Variants in FOXB2 observed in about 807,000 individuals in gnomAD.
FOXB2 encodes forkhead box protein B2.
A neutral mutation model predicts 0.9 loss-of-function variants in FOXB2; 1 was observed. The observed-to-expected ratio is 1.09, with a 90% CI of 0.39 to 5.18. The LOEUF is 5.18. Ranked by LOEUF, FOXB2 falls within the 30% of genes most tolerant of loss-of-function variation. The pLI is 0.16. For missense variants in FOXB2, 670 were observed against 626.6 expected, an observed-to-expected ratio of 1.07 and a Z score of -0.74; for synonymous variants, 322 against 293.5, an observed-to-expected ratio of 1.10 and a Z score of -0.99.
chr9:77,020,789 C>T lies in FOXB2; in HGVS notation c.1135C>T (p.Gln379Ter). ...TPALPPVSAL[Q>*]PGLTVPAASQ... ...TGCGCTGCCGCCCGTGTCCGCGCTG[C>T]AGCCGGGGCTCACTGTCCCCGCGGC... is the stretch of plus-strand genomic sequence containing the variant. The change falls in exon 1 of 1, where the codon CAG becomes TAG. Residue 379 changes from glutamine to a stop codon, truncating the protein, a stop_gained. Coordinates refer to ENST00000376708, the MANE Select transcript of FOXB2 (RefSeq NM_001013735.1). LOFTEE classifies it low-confidence loss of function (END_TRUNC). This position sits in a 1 kb window ranked among gnomAD's most constrained non-coding sequence, Gnocchi z 4.9. 1 of 1,570,360 alleles carries T rather than the reference C, an allele frequency of 6.4e-7. No homozygotes were observed. The highest frequency in any genetic ancestry group is 2.3e-5 in the East Asian group (1 of 42,664).
chr9:77,019,913 T>TGG lies in FOXB2; in HGVS notation c.261_262dup (p.Ala88GlyfsTer251). 1 of 1,613,726 alleles carries TGG rather than the reference T, an allele frequency of 6.2e-7. No individual in the cohort carries two copies. Among genetic ancestry groups the TGG allele is most frequent in the Non-Finnish European group, 8.5e-7 (1 of 1,180,010 alleles). On this transcript the variant is annotated frameshift_variant, in exon 1 of 1. Transcript: ENST00000376708. LOFTEE classifies it low-confidence loss of function (END_TRUNC). This position sits in a 1 kb window ranked among gnomAD's most constrained non-coding sequence, Gnocchi z 4.4. ...CGACCAGCCTGGCAAGGGTAGCTTC[T>TGG]GGGCGCTGCACCCCGACTGCGGGGA...
Position 77,020,838 on chromosome 9 carries a change from C to T in FOXB2, c.1184C>T (p.Ser395Phe), listed in dbSNP as rs1308575447. 6.5e-7 allele frequency: 1 copy of T among 1,549,264 alleles called. No individual in the cohort carries two copies. Among genetic ancestry groups the T allele is most frequent in the South Asian group, 1.2e-5 (1 of 85,212 alleles). ...PAASQQPPAPSTVCSAAAASP... is the reference protein window; with the variant it reads ...PAASQQPPAPFTVCSAAAASP... ...GCTTCGCAGCAGCCTCCGGCGCCATCCACCGTGTGCTCCGCGGCCGCGGCC... is the reference window on the plus strand; with the variant it reads ...GCTTCGCAGCAGCCTCCGGCGCCATTCACCGTGTGCTCCGCGGCCGCGGCC... Residue 395 changes from serine (S) to phenylalanine (F), a missense_variant, in exon 1 of 1, where the codon TCC becomes TTC. Coordinates refer to ENST00000376708, the MANE Select transcript of FOXB2 (RefSeq NM_001013735.1). The surrounding 1 kb of genome is among the most constrained non-coding windows in gnomAD (Gnocchi z 4.9).
Position 77,020,129 on chromosome 9 carries a change from C to A in FOXB2, c.475C>A (p.His159Asn). The change falls in exon 1 of 1, where the codon CAC becomes AAC. Residue 159 changes from histidine (H) to asparagine (N), a missense_variant. Physicochemically the swap from His to Asn is moderately conservative, Grantham distance 68 (BLOSUM62 1). Coordinates refer to ENST00000376708, the MANE Select transcript of FOXB2 (RefSeq NM_001013735.1). The surrounding 1 kb of genome is among the most constrained non-coding windows in gnomAD (Gnocchi z 4.9). Reference protein sequence around the residue: ...HHHAAAHHHHHHHPPQPPPPP... With the variant: ...HHHAAAHHHHNHHPPQPPPPP... ...CCACGCTGCCGCACACCACCACCATCACCACCACCCACCCCAGCCGCCGCC... is the reference window on the plus strand; with the variant it reads ...CCACGCTGCCGCACACCACCACCATAACCACCACCCACCCCAGCCGCCGCC... 2 of 1,432,344 alleles carry A rather than the reference C, an allele frequency of 1.4e-6. No homozygotes were observed. The highest frequency in any genetic ancestry group is 1.9e-6 in the Non-Finnish European group (2 of 1,047,904). The allele number at this position is 1,432,344 out of a possible 1,614,324, so 88.7% of individuals were successfully genotyped here. A position where few individuals can be genotyped will look rare whatever the true frequency, so the allele number is the denominator to read the frequency against.
In FOXB2 at chr9:77,020,345, G is replaced by A; in HGVS notation, c.691G>A (p.Ala231Thr). The A allele has an allele frequency of 8.2e-7, 1 of 1,220,028 alleles. No homozygotes were observed. Among genetic ancestry groups the A allele is most frequent in the Non-Finnish European group, 1.0e-6 (1 of 984,514 alleles). 75.6% of individuals were successfully genotyped at this position (1,220,028 alleles called of 1,614,324 possible). ...CGTGGCGGCGGCGGCGGCGGCGGCCGCGGCAGCCGCGGTGGGCAGCGTGGG... is the reference window on the plus strand; with the variant it reads ...CGTGGCGGCGGCGGCGGCGGCGGCCACGGCAGCCGCGGTGGGCAGCGTGGG... ...AAVAAAAAAA[A>T]AAAVGSVGRL... Residue 231 changes from alanine (A) to threonine (T), a missense_variant, in exon 1 of 1, where the codon GCG becomes ACG. Coordinates refer to ENST00000376708, the MANE Select transcript of FOXB2 (RefSeq NM_001013735.1). The surrounding 1 kb of genome is among the most constrained non-coding windows in gnomAD (Gnocchi z 4.9).
Position 77,020,648 on chromosome 9 carries a change from G to A in FOXB2, c.994G>A (p.Ala332Thr). 1 of 1,600,520 alleles carries A rather than the reference G, an allele frequency of 6.2e-7. No individual in the cohort carries two copies. Among genetic ancestry groups the A allele is most frequent in the Non-Finnish European group, 8.5e-7 (1 of 1,175,056 alleles). Residue 332 changes from alanine to threonine, a missense_variant, in exon 1 of 1, where the codon GCA (alanine) becomes ACA (threonine). By Grantham distance (58) the Ala-to-Thr change is moderately conservative. Coordinates refer to ENST00000376708, the MANE Select transcript of FOXB2 (RefSeq NM_001013735.1). The surrounding 1 kb of genome is among the most constrained non-coding windows in gnomAD (Gnocchi z 4.9). ...GGCCGCCGCCGCGGCCGCCGCAGCC[G>A]CAGCCGGAGTCCCTGTAGGCCCGGA... Reference protein sequence around the residue: ...SVAAAAAAAAAAGVPVGPEYG... With the variant: ...SVAAAAAAAATAGVPVGPEYG...
chr9:77,020,443 G>T lies in FOXB2; in HGVS notation c.789G>T (p.Thr263=). The T allele has an allele frequency of 6.4e-7, 1 of 1,551,252 alleles. No homozygotes were observed. The highest frequency in any genetic ancestry group is 8.7e-7 in the Non-Finnish European group (1 of 1,147,294). Residue 263 remains threonine (T), a synonymous_variant, in exon 1 of 1, where the codon ACG becomes ACT. Coordinates refer to ENST00000376708, the MANE Select transcript of FOXB2 (RefSeq NM_001013735.1). This position sits in a 1 kb window ranked among gnomAD's most constrained non-coding sequence, Gnocchi z 4.9. Reference sequence around the variant, plus strand: ...CTGCCGCCGCGGCCGCGGCGTCCACGTCAGGCTTCAAGCACCCCTTTGCCA... The same window carrying T: ...CTGCCGCCGCGGCCGCGGCGTCCACTTCAGGCTTCAAGCACCCCTTTGCCA... ...AAAAAAAAAS[T]SGFKHPFAIE...
At position 77,019,818 on chromosome 9, in the gene FOXB2, A is replaced by C. The variant is rs2063908292; in HGVS notation, c.164A>C (p.Gln55Pro). Residue 55 changes from glutamine (Q) to proline (P), a missense_variant, in exon 1 of 1, where the codon CAG becomes CCG. By Grantham distance (76) the Gln-to-Pro change is moderately conservative. Transcript: ENST00000376708. This position sits in a 1 kb window ranked among gnomAD's most constrained non-coding sequence, Gnocchi z 4.4. ...TTCCCCTACTACCGCGAGCACACAC[A>C]GCGCTGGCAGAACAGCCTGCGCCAC... ...ERFPYYREHT[Q>P]RWQNSLRHNL... is the part of the protein sequence containing the mutation. The C allele has an allele frequency of 6.2e-7, 1 of 1,614,108 alleles. No homozygotes were observed.
Position 77,019,722 on chromosome 9 carries a change from C to T in FOXB2, c.68C>T (p.Ala23Val), listed in dbSNP as rs745560583. 1.3e-5 allele frequency: 21 copies of T among 1,613,732 alleles called. No homozygotes were observed. Among genetic ancestry groups the T allele is most frequent in the Non-Finnish European group, 1.8e-5 (21 of 1,179,914 alleles). The change falls in exon 1 of 1, where the codon GCC (alanine) becomes GTC (valine). Residue 23 changes from alanine (A) to valine (V), a missense_variant. Ala to Val is a moderately conservative substitution (Grantham distance 64). Coordinates refer to ENST00000376708, the MANE Select transcript of FOXB2 (RefSeq NM_001013735.1). The surrounding 1 kb of genome is among the most constrained non-coding windows in gnomAD (Gnocchi z 4.4). ...KPPYSYISLT[A>V]MAIQHSAEKM... ...CCCTACTCTTACATCTCGCTGACCG[C>T]CATGGCAATCCAGCACTCGGCCGAG...
Position 77,020,333 on chromosome 9 carries a change from G to T in FOXB2, c.679G>T (p.Ala227Ser). Reference protein sequence around the residue: ...MQEAAAVAAAAAAAAAAAVGS... With the variant: ...MQEAAAVAAASAAAAAAAVGS... ...GGAGGCGGCGGCCGTGGCGGCGGCGGCGGCGGCGGCCGCGGCAGCCGCGGT... is the reference window on the plus strand; with the variant it reads ...GGAGGCGGCGGCCGTGGCGGCGGCGTCGGCGGCGGCCGCGGCAGCCGCGGT... The change falls in exon 1 of 1, where the codon GCG becomes TCG. Residue 227 changes from alanine to serine, a missense_variant. Physicochemically the swap from Ala to Ser is moderately conservative, Grantham distance 99. Coordinates refer to ENST00000376708, the MANE Select transcript of FOXB2 (RefSeq NM_001013735.1). The surrounding 1 kb of genome is among the most constrained non-coding windows in gnomAD (Gnocchi z 4.9). 1 of 1,216,020 alleles carries T rather than the reference G, an allele frequency of 8.2e-7. No homozygotes were observed. Among genetic ancestry groups the T allele is most frequent in the Non-Finnish European group, 1.0e-6 (1 of 981,478 alleles). The allele number at this position is 1,216,020 out of a possible 1,614,324, so 75.3% of individuals were successfully genotyped here. A position where few individuals can be genotyped will look rare whatever the true frequency, so the allele number is the denominator to read the frequency against.
rs754346739 is a variant in FOXB2 at position 77,020,076 on chromosome 9, A to G, written c.422A>G (p.His141Arg). 1.8e-6 allele frequency: 2 copies of G among 1,120,708 alleles called. No homozygotes were observed. The highest frequency in any genetic ancestry group is 5.2e-5 in the Admixed American group (2 of 38,274). 69.4% of individuals were successfully genotyped at this position (1,120,708 alleles called of 1,614,324 possible). A position where few individuals can be genotyped will look rare whatever the true frequency, so the allele number is the denominator to read the frequency against. ...GPGGHLHPHH[H>R]HHPHHHHHHH... ...GGAGGGCACCTTCACCCCCATCACC[A>G]CCACCACCCCCACCACCACCATCAT... Residue 141 changes from histidine (H) to arginine (R), a missense_variant, in exon 1 of 1, where the codon CAC (histidine) becomes CGC (arginine). His to Arg is a conservative substitution (Grantham distance 29). Coordinates refer to ENST00000376708, the MANE Select transcript of FOXB2 (RefSeq NM_001013735.1). The surrounding 1 kb of genome is among the most constrained non-coding windows in gnomAD (Gnocchi z 4.9).
In FOXB2 at chr9:77,020,925, C is replaced by T; in HGVS notation, c.1271C>T (p.Ser424Phe). Residue 424 changes from serine (S) to phenylalanine (F), a missense_variant, in exon 1 of 1, where the codon TCC becomes TTC. Transcript: ENST00000376708. This position sits in a 1 kb window ranked among gnomAD's most constrained non-coding sequence, Gnocchi z 4.9. ...ACCTCGGCCGAAAGCAAGGGCGGCT[C>T]CTTGCACTCGGTGCTAGTGCACTCC... Reference protein sequence around the residue: ...APTSAESKGGSLHSVLVHS With the variant: ...APTSAESKGGFLHSVLVHS 6.3e-7 allele frequency: 1 copy of T among 1,576,666 alleles called. No homozygotes were observed. Among genetic ancestry groups the T allele is most frequent in the Non-Finnish European group, 8.5e-7 (1 of 1,169,610 alleles).
In FOXB2 at chr9:77,020,174, C is replaced by T; in HGVS notation, c.520C>T (p.Pro174Ser). ...QPPPPPPPPP[P>S]HMVHYFHQQP... Reference sequence around the variant, plus strand: ...GCCGCCGCCGCCGCCCCCGCCGCCGCCGCACATGGTACACTATTTCCATCA... The same window carrying T: ...GCCGCCGCCGCCGCCCCCGCCGCCGTCGCACATGGTACACTATTTCCATCA... The change falls in exon 1 of 1, where the codon CCG (proline) becomes TCG (serine). Residue 174 changes from proline (P) to serine (S), a missense_variant. Transcript: ENST00000376708. The surrounding 1 kb of genome is among the most constrained non-coding windows in gnomAD (Gnocchi z 4.9). The T allele has an allele frequency of 1.6e-6, 2 of 1,222,646 alleles. No homozygotes were observed. The highest frequency in any genetic ancestry group is 2.4e-6 in the Non-Finnish European group (2 of 839,212). 75.7% of individuals were successfully genotyped at this position (1,222,646 alleles called of 1,614,324 possible). A position where few individuals can be genotyped will look rare whatever the true frequency, so the allele number is the denominator to read the frequency against.
rs2117940271 is a variant in FOXB2, at chr9:77,020,484, G to T, written c.830G>T (p.Gly277Val). The change falls in exon 1 of 1, where the codon GGC becomes GTC. Residue 277 changes from glycine to valine, a missense_variant. Coordinates refer to ENST00000376708, the MANE Select transcript of FOXB2 (RefSeq NM_001013735.1). This position sits in a 1 kb window ranked among gnomAD's most constrained non-coding sequence, Gnocchi z 4.9. ...CCCTTTGCCATTGAGAACATTATTG[G>T]CCGGGACTACAAGGGCGTGCTGCAG... ...KHPFAIENII[G>V]RDYKGVLQAG... The T allele has an allele frequency of 1.2e-6, 2 of 1,607,646 alleles. No individual in the cohort carries two copies. Among genetic ancestry groups the T allele is most frequent in the Non-Finnish European group, 1.7e-6 (2 of 1,178,018 alleles).
At position 77,020,310 on chromosome 9, in the gene FOXB2, A is replaced by AGGCGGCGGCCGTGGCGGCGGC; in HGVS notation, c.666_686dup (p.Val223_Ala229dup). 1 of 1,216,934 alleles carries AGGCGGCGGCCGTGGCGGCGGC rather than the reference A, an allele frequency of 8.2e-7. No individual in the cohort carries two copies. The highest frequency in any genetic ancestry group is 1.0e-6 in the Non-Finnish European group (1 of 963,928). 75.4% of individuals were successfully genotyped at this position (1,216,934 alleles called of 1,614,324 possible). A position where few individuals can be genotyped will look rare whatever the true frequency, so the allele number is the denominator to read the frequency against. On this transcript the variant is annotated inframe_insertion, in exon 1 of 1. Transcript: ENST00000376708. The surrounding 1 kb of genome is among the most constrained non-coding windows in gnomAD (Gnocchi z 4.9). ...CCGTCTCACCCCGGCAAGATGCAGGAGGCGGCGGCCGTGGCGGCGGCGGCG... is the reference window on the plus strand; with the variant it reads ...CCGTCTCACCCCGGCAAGATGCAGGAGGCGGCGGCCGTGGCGGCGGCGGCGGCGGCCGTGGCGGCGGCGGCG...
Position 77,020,435 on chromosome 9 carries a change from GC to G in FOXB2, c.782del (p.Ala261GlyfsTer77). 1.3e-6 allele frequency: 2 copies of G among 1,592,366 alleles called. No homozygotes were observed. The highest frequency in any genetic ancestry group is 1.7e-6 in the Non-Finnish European group (2 of 1,171,674). Reference sequence around the variant, plus strand: ...CGCCGCCGCTGCCGCCGCGGCCGCGGCGTCCACGTCAGGCTTCAAGCACCCC... The same window carrying G: ...CGCCGCCGCTGCCGCCGCGGCCGCGGGTCCACGTCAGGCTTCAAGCACCCC... ...SAAAAAAAAA[A>X]STSGFKHPFA... On this transcript the variant is annotated frameshift_variant, in exon 1 of 1. Coordinates refer to ENST00000376708, the MANE Select transcript of FOXB2 (RefSeq NM_001013735.1). LOFTEE classifies it low-confidence loss of function (END_TRUNC). The surrounding 1 kb of genome is among the most constrained non-coding windows in gnomAD (Gnocchi z 4.9).
Position 77,020,139 on chromosome 9 carries a change from C to A in FOXB2, c.485C>A (p.Pro162Gln). 7.0e-7 allele frequency: 1 copy of A among 1,430,024 alleles called. No individual in the cohort carries two copies. The highest frequency in any genetic ancestry group is 9.6e-7 in the Non-Finnish European group (1 of 1,041,638). The allele number at this position is 1,430,024 out of a possible 1,614,324, so 88.6% of individuals were successfully genotyped here. A position where few individuals can be genotyped will look rare whatever the true frequency, so the allele number is the denominator to read the frequency against. The change falls in exon 1 of 1, where the codon CCA (proline) becomes CAA (glutamine). Residue 162 changes from proline (P) to glutamine (Q), a missense_variant. By Grantham distance (76) the Pro-to-Gln change is moderately conservative (BLOSUM62 -1). Transcript: ENST00000376708. The surrounding 1 kb of genome is among the most constrained non-coding windows in gnomAD (Gnocchi z 4.9). ...AAAHHHHHHH[P>Q]PQPPPPPPPP... is the part of the protein sequence containing the mutation. ...GCACACCACCACCATCACCACCACCCACCCCAGCCGCCGCCGCCGCCGCCC... is the reference window on the plus strand; with the variant it reads ...GCACACCACCACCATCACCACCACCAACCCCAGCCGCCGCCGCCGCCGCCC...
At position 77,020,681 on chromosome 9, in the gene FOXB2, G is replaced by A. The variant is rs921743326; in HGVS notation, c.1027G>A (p.Ala343Thr). Residue 343 changes from alanine (A) to threonine (T), a missense_variant, in exon 1 of 1, where the codon GCC becomes ACC. By Grantham distance (58) the Ala-to-Thr change is moderately conservative (BLOSUM62 0). Coordinates refer to ENST00000376708, the MANE Select transcript of FOXB2 (RefSeq NM_001013735.1). The surrounding 1 kb of genome is among the most constrained non-coding windows in gnomAD (Gnocchi z 4.9). ...AGTCCCTGTAGGCCCGGAGTATGGG[G>A]CCTTCGGGGTCCCGGTCAAGTCCCT... ...AGVPVGPEYGAFGVPVKSLCH... is the reference protein window; with the variant it reads ...AGVPVGPEYGTFGVPVKSLCH... 1.2e-6 allele frequency: 2 copies of A among 1,603,058 alleles called. No homozygotes were observed. The highest frequency in any genetic ancestry group is 1.7e-4 in the Middle Eastern group (1 of 5,918).
chr9:77,020,735 G>T lies in FOXB2; in HGVS notation c.1081G>T (p.Ala361Ser). The change falls in exon 1 of 1, where the codon GCC (alanine) becomes TCC (serine). Residue 361 changes from alanine to serine, a missense_variant. Physicochemically the swap from Ala to Ser is moderately conservative, Grantham distance 99. Coordinates refer to ENST00000376708, the MANE Select transcript of FOXB2 (RefSeq NM_001013735.1). The surrounding 1 kb of genome is among the most constrained non-coding windows in gnomAD (Gnocchi z 4.9). ...CCACTCGGCAAGCCAGAGCCTGCCTGCCATGCCGGTGCCCATCAAGCCCAC... is the reference window on the plus strand; with the variant it reads ...CCACTCGGCAAGCCAGAGCCTGCCTTCCATGCCGGTGCCCATCAAGCCCAC... ...LCHSASQSLP[A>S]MPVPIKPTPA... 1 of 1,596,602 alleles carries T rather than the reference G, an allele frequency of 6.3e-7. No homozygotes were observed. The highest frequency in any genetic ancestry group is 1.1e-5 in the South Asian group (1 of 89,240).
In FOXB2 at chr9:77,020,843, G is replaced by A. The variant is rs769253305; in HGVS notation, c.1189G>A (p.Val397Met). The change falls in exon 1 of 1, where the codon GTG becomes ATG. Residue 397 changes from valine to methionine, a missense_variant. By Grantham distance (21) the Val-to-Met change is conservative. Transcript: ENST00000376708. This position sits in a 1 kb window ranked among gnomAD's most constrained non-coding sequence, Gnocchi z 4.9. The stretch of plus-strand genomic sequence containing the variant: ...GCAGCAGCCTCCGGCGCCATCCACC[G>A]TGTGCTCCGCGGCCGCGGCCTCGCC... ...ASQQPPAPSTVCSAAAASPVA... is the reference protein window; with the variant it reads ...ASQQPPAPSTMCSAAAASPVA... 3.9e-6 allele frequency: 6 copies of A among 1,548,638 alleles called. No homozygotes were observed. Among genetic ancestry groups the A allele is most frequent in the Non-Finnish European group, 5.2e-6 (6 of 1,153,708 alleles).
Sources: allele counts gnomAD v4.1 joint callset, GRCh38; gene constraint gnomAD v4.1.1; non-coding constraint Gnocchi (gnomAD v3.1); transcripts MANE v1.5; gene names NCBI Gene and HGNC (gene_info 2026-07-23, HGNC 2026-07-21).